The following GALNT17 variants were observed in gnomAD, a reference collection of about 807,000 sequenced individuals.
GALNT17 encodes the protein polypeptide N-acetylgalactosaminyltransferase 17.
In GALNT17, 29 loss-of-function variants were observed where a neutral mutation model predicts 63.7. The observed-to-expected ratio is 0.46, with a 90% CI of 0.34 to 0.62. The LOEUF (loss-of-function observed/expected upper bound fraction) is 0.62, where lower values mean the gene tolerates loss of function less well. GALNT17 is among the 20% of genes least tolerant of loss of function. GALNT17 has a pLI of 0.01. For synonymous variants in GALNT17, 305 were observed against 318.3 expected, an observed-to-expected ratio of 0.96 and a Z score of 0.45; for missense variants, 603 against 799.6, an observed-to-expected ratio of 0.75 and a Z score of 2.97.
At chr7:71,707,713 G>T (rs1791740521) in intron 9 of GALNT17, among the ~76,000 whole-genome samples, 1 of 152,170 alleles carries the variant, frequency 6.6e-6, no homozygotes, top group Non-Finnish European at 1.5e-5. Flanking sequence ...TTAACTGGTG[G>T]TTAACTAGCA....
rs562276706 is a variant in GALNT17 at position 71,309,318 on chromosome 7, G to A, written c.239-26232G>A. Among the ~76,000 whole-genome samples the A allele has an allele frequency of 1.6e-4, 25 of 151,950 alleles. 1 individual carries two copies. The highest frequency in any genetic ancestry group is 6.8e-3 in the Middle Eastern group (2 of 294). Reference sequence around the variant, plus strand: ...TTTGTCTTTCCAGCCTTGCCATCCTGCCCAGCTACCTGCCTCCCATCTCAT... The same window carrying A: ...TTTGTCTTTCCAGCCTTGCCATCCTACCCAGCTACCTGCCTCCCATCTCAT... On this transcript the variant is annotated intron_variant, in intron 1 of 10. Coordinates refer to ENST00000333538, the MANE Select transcript of GALNT17 (RefSeq NM_022479.3).
chr7:71,268,864 G>A (rs777905538), intron 1 of GALNT17, among the ~76,000 whole-genome samples: 19 of 152,096 alleles, frequency 1.2e-4, no homozygotes, highest in Non-Finnish European at 2.2e-4. Flanking sequence ...GGAAGGGTGG[G>A]CAGCAATAGA....
At chr7:71,198,197 CAA>C (rs755388218) in intron 1 of GALNT17, among the ~76,000 whole-genome samples, 261 of 77,022 alleles carry the variant, frequency 3.4e-3, no homozygotes, top group Non-Finnish European at 3.7e-3. Flanking sequence ...GACTCTGTCT[CAA>C]AAAAAAAAAA....
intron 5 of GALNT17, among the ~76,000 whole-genome samples, chr7:71,551,966 C>T (rs1789084353): frequency 6.6e-6 from 1 of 151,964 alleles, no homozygotes; most frequent in African/African-American, 2.4e-5. Context: ...ATGAAGTGAG[C>T]TTGCAGTTTG....
chr7:71,390,854 G>A (rs1352202970), intron 3 of GALNT17, among the ~76,000 whole-genome samples: 1 of 152,198 alleles, frequency 6.6e-6, no homozygotes, highest in Non-Finnish European at 1.5e-5. Context: ...AAAAAGATTG[G>A]TACTGTCAGT....
rs10539122 is a variant in GALNT17, at chr7:71,564,278, C to CTTTTT, written c.963-6987_963-6983dup. Among the ~76,000 whole-genome samples, 557 of 98,014 alleles carry CTTTTT rather than the reference C, an allele frequency of 5.7e-3. 1 individual carries two copies. The highest frequency in any genetic ancestry group is 0.027 in the East Asian group (79 of 2,958). The allele number at this position is 98,014 out of a possible 152,430, so 64.3% of individuals were successfully genotyped here. A position where few individuals can be genotyped will look rare whatever the true frequency, so the allele number is the denominator to read the frequency against. On this transcript the variant is annotated intron_variant, in intron 5 of 10. Transcript: ENST00000333538. ...TCTTTCTTTTTTTTTCTTTTCTTTT[C>CTTTTT]TTTTTTTTTTTTTTTTTTTTTTTTG...
chr7:71,222,287 T>G (rs1287272236), intron 1 of GALNT17, among the ~76,000 whole-genome samples: 1 of 152,018 alleles, frequency 6.6e-6, no homozygotes, highest in African/African-American at 2.4e-5. Context: ...CATATTGTAG[T>G]TCATTGTTAG....
At chr7:71,540,929 G>T (rs907406240) in intron 5 of GALNT17, among the ~76,000 whole-genome samples, 1 of 152,020 alleles carries the variant, frequency 6.6e-6, no homozygotes, top group Non-Finnish European at 1.5e-5. Context: ...AAGACACATC[G>T]AAGAGTTATG....
intron 1 of GALNT17, among the ~76,000 whole-genome samples, chr7:71,316,010 T>G (rs1007110538): frequency 3.9e-5 from 6 of 152,130 alleles, no homozygotes; most frequent in African/African-American, 1.4e-4. Context: ...CCTTGGAATG[T>G]GAACACAGGG....
intron 1 of GALNT17, among the ~76,000 whole-genome samples, chr7:71,272,778 A>T (rs55709743): frequency 2.0e-5 from 3 of 151,950 alleles, no homozygotes; most frequent in Non-Finnish European, 4.4e-5. Flanking sequence ...GACCAATATG[A>T]CATGAGGAGG....
intron 1 of GALNT17, among the ~76,000 whole-genome samples, chr7:71,164,664 A>G (rs1234438164): frequency 1.3e-5 from 2 of 152,102 alleles, no homozygotes; most frequent in African/African-American, 4.8e-5. Context: ...CCACAGAACC[A>G]ACACATTTTC....
At chr7:71,461,915 G>A (rs78108613) in intron 5 of GALNT17, among the ~76,000 whole-genome samples, 42 of 152,352 alleles carry the variant, frequency 2.8e-4, no homozygotes, top group African/African-American at 9.4e-4. Context: ...GGCAGGACAT[G>A]ATGCCTATCT....
intron 6 of GALNT17, among the ~76,000 whole-genome samples, chr7:71,595,660 GACACACACACACACAC>G (rs61389262): frequency 2.0e-4 from 28 of 142,784 alleles, no homozygotes; most frequent in Admixed American, 8.5e-4. Flanking sequence ...GAGAGACTGA[GACACACACACACACAC>G]ACACACACAC....
At chr7:71,361,854 A>G (rs1188884249) in intron 2 of GALNT17, among the ~76,000 whole-genome samples, 1 of 152,164 alleles carries the variant, frequency 6.6e-6, no homozygotes, top group Non-Finnish European at 1.5e-5. Context: ...AAGGTTGAGC[A>G]CAATTTGGGC....
chr7:71,300,555 G>A (rs980545988), intron 1 of GALNT17: 1 of 372,080 alleles, frequency 2.7e-6, no homozygotes. Flanking sequence ...TTCCTAGCTT[G>A]GAAAGCAAGT....
intron 6 of GALNT17, among the ~76,000 whole-genome samples, chr7:71,599,697 C>T (rs936730919): frequency 2.0e-5 from 3 of 151,650 alleles, no homozygotes; most frequent in Admixed American, 1.3e-4. Context: ...TGCTTCTAAA[C>T]ATCCTACAAC....
rs574951926 is a variant in GALNT17, at chr7:71,610,465, G to C, written c.1080+39063G>C. Among the ~76,000 whole-genome samples, 22 of 152,002 alleles carry C rather than the reference G, an allele frequency of 1.4e-4. No homozygotes were observed. In the East Asian group the frequency reaches 4.1e-3, roughly 28 times the overall value. On this transcript the variant is annotated intron_variant, in intron 6 of 10. Coordinates refer to ENST00000333538, the MANE Select transcript of GALNT17 (RefSeq NM_022479.3). Reference sequence around the variant, plus strand: ...ACTGCACTCCAGCCTGGGTGACAGAGTGAGACCCTGTCTCTCACTAAAAGA... The same window carrying C: ...ACTGCACTCCAGCCTGGGTGACAGACTGAGACCCTGTCTCTCACTAAAAGA...
intron 1 of GALNT17, among the ~76,000 whole-genome samples, chr7:71,251,747 G>A (rs554377106): frequency 6.6e-6 from 1 of 152,272 alleles, no homozygotes; most frequent in South Asian, 2.1e-4. Context: ...ATATCGGATT[G>A]TCAGTCTTTT....
intron 5 of GALNT17, among the ~76,000 whole-genome samples, chr7:71,547,501 G>A (rs903713901): frequency 2.6e-5 from 4 of 151,970 alleles, no homozygotes; most frequent in Admixed American, 2.0e-4. Context: ...GGCCAGGCGG[G>A]TCTGGAACTC....
Sources: gnomAD v4.1 joint callset for allele counts (sites outside exome capture counted in the v4.1 genomes callset) on GRCh38, gnomAD v4.1.1 for gene constraint, MANE v1.5 for transcripts, NCBI Gene and HGNC (gene_info 2026-07-23, HGNC 2026-07-21) for gene names.